CNTNAP5: variants seen among roughly 807,000 people sequenced by gnomAD.
The protein encoded by CNTNAP5 is contactin-associated protein-like 5.
A neutral mutation model predicts 150.2 loss-of-function variants in CNTNAP5; 72 were observed. The observed-to-expected ratio is 0.48, with a 90% CI of 0.40 to 0.58. CNTNAP5 has a LOEUF of 0.58. Ranked by LOEUF, CNTNAP5 falls within the 20% of genes least tolerant of loss-of-function variation. The probability of loss-of-function intolerance (pLI) is 0.00; values close to 1 mark genes in which losing one functional copy is unlikely to be tolerated. For synonymous variants in CNTNAP5, 672 were observed against 619.8 expected (o/e 1.08, Z -1.25); for missense variants, 1,636 against 1,626.2 (o/e 1.01, Z -0.10).
intron 1 of CNTNAP5, among the ~76,000 whole-genome samples, chr2:124,033,496 A>G (rs1213972): frequency 1 from 151,763 of 152,312 alleles, 75,609 homozygotes; most frequent in Middle Eastern, 1. Flanking sequence ...CTTTTCTTCT[A>G]TCTTGTGACC....
intron 12 of CNTNAP5, among the ~76,000 whole-genome samples, chr2:124,641,065 G>A (rs148762136): frequency 3.4e-4 from 50 of 145,518 alleles, no homozygotes; most frequent in East Asian, 1.2e-3. Context: ...GGCAGAGGTT[G>A]CAGTGAGCCG....
At chr2:124,031,144 C>T (rs181344029) in intron 1 of CNTNAP5, among the ~76,000 whole-genome samples, 267 of 152,016 alleles carry the variant, frequency 1.8e-3, no homozygotes, top group African/African-American at 5.9e-3. Flanking sequence ...TATACATACA[C>T]ACACACACAC....
chr2:124,474,324 G>C (rs1236638298), intron 6 of CNTNAP5, among the ~76,000 whole-genome samples: 1 of 152,024 alleles, frequency 6.6e-6, no homozygotes, highest in East Asian at 1.9e-4. Flanking sequence ...ATACAATATA[G>C]GCTTTTAAAC....
chr2:124,472,578 T>A lies in CNTNAP5; in HGVS notation c.919-2161T>A, dbSNP rs1693541917. Reference sequence around the variant, plus strand: ...AAGGTGTTTTATATATATATATAAATACATATATATCATATGATTACCATC... The same window carrying A: ...AAGGTGTTTTATATATATATATAAAAACATATATATCATATGATTACCATC... On this transcript the variant is annotated intron_variant, in intron 6 of 23. Coordinates refer to ENST00000682447, the MANE Select transcript of CNTNAP5 (RefSeq NM_001367498.1). Among the ~76,000 whole-genome samples, 4 of 150,944 alleles carry A rather than the reference T, an allele frequency of 2.6e-5. No individual in the cohort carries two copies. In the South Asian group the frequency reaches 8.3e-4, roughly 31 times the overall value.
chr2:124,462,281 G>C lies in CNTNAP5; in HGVS notation c.919-12458G>C, dbSNP rs546445372. Among the ~76,000 whole-genome samples, 14 of 152,226 alleles carry C rather than the reference G, an allele frequency of 9.2e-5. No homozygotes were observed. The South Asian group carries it at 2.5e-3, about 27-fold the overall frequency. On this transcript the variant is annotated intron_variant, in intron 6 of 23. Transcript: ENST00000682447. ...GCACAGACTCTGGGGCTTGGCCTGGGCTCTGCCTGTGTATAAGACATGAAA... is the reference window on the plus strand; with the variant it reads ...GCACAGACTCTGGGGCTTGGCCTGGCCTCTGCCTGTGTATAAGACATGAAA...
At chr2:124,430,536 G>A (rs1692352717) in intron 4 of CNTNAP5, among the ~76,000 whole-genome samples, 1 of 152,152 alleles carries the variant, frequency 6.6e-6, no homozygotes, top group Admixed American at 6.5e-5. Flanking sequence ...AGAAGATGAG[G>A]TGGGAGAGGT....
chr2:124,201,270 G>C (rs1573831202), intron 1 of CNTNAP5, among the ~76,000 whole-genome samples: 1 of 152,106 alleles, frequency 6.6e-6, no homozygotes, highest in Admixed American at 6.6e-5. Context: ...AGCCAAAAAG[G>C]GAGAGAATAA....
chr2:124,790,858 T>C (rs1324637277), intron 18 of CNTNAP5, among the ~76,000 whole-genome samples: 1 of 152,192 alleles, frequency 6.6e-6, no homozygotes, highest in Non-Finnish European at 1.5e-5. Flanking sequence ...AAATTCAAGA[T>C]ACCTCAAGAA....
intron 19 of CNTNAP5, among the ~76,000 whole-genome samples, chr2:124,864,314 G>C (rs1213762753): frequency 6.6e-6 from 1 of 152,124 alleles, no homozygotes; most frequent in Non-Finnish European, 1.5e-5. Flanking sequence ...GATAAGGGTA[G>C]TTAGCACAAC....
At chr2:124,442,905 T>C (rs967150688) in intron 5 of CNTNAP5, among the ~76,000 whole-genome samples, 1 of 152,172 alleles carries the variant, frequency 6.6e-6, no homozygotes, top group African/African-American at 2.4e-5. Flanking sequence ...AATGCACTTT[T>C]TTAACCTACC....
rs867109912 is a variant in CNTNAP5, at chr2:124,713,269, C to T, written c.2078-33960C>T. Among the ~76,000 whole-genome samples, 53 of 105,716 alleles carry T rather than the reference C, an allele frequency of 5.0e-4. 3 individuals carry two copies. Among genetic ancestry groups the T allele is most frequent in the East Asian group, 2.4e-3 (8 of 3,402 alleles). The allele number at this position is 105,716 out of a possible 152,430, so 69.4% of individuals were successfully genotyped here. A position where few individuals can be genotyped will look rare whatever the true frequency, so the allele number is the denominator to read the frequency against. On this transcript the variant is annotated intron_variant, in intron 13 of 23. Coordinates refer to ENST00000682447, the MANE Select transcript of CNTNAP5 (RefSeq NM_001367498.1). Reference sequence around the variant, plus strand: ...TCTTTCTTTCTTTCTTTCTTTCTTTCTTTCTTTCTTTCTTTCTTTCTTTCT... The same window carrying T: ...TCTTTCTTTCTTTCTTTCTTTCTTTTTTTCTTTCTTTCTTTCTTTCTTTCT...
chr2:124,667,286 C>A (rs1462474757), intron 13 of CNTNAP5, among the ~76,000 whole-genome samples: 1 of 152,184 alleles, frequency 6.6e-6, no homozygotes, highest in Non-Finnish European at 1.5e-5. Context: ...TCTGTGCAAT[C>A]TCAGAGGATT....
intron 1 of CNTNAP5, among the ~76,000 whole-genome samples, chr2:124,078,526 A>C (rs1441164132): frequency 6.6e-6 from 1 of 152,168 alleles, no homozygotes; most frequent in Non-Finnish European, 1.5e-5. Flanking sequence ...TCAAATTATG[A>C]CTTGGCCTAA....
chr2:124,320,797 G>T (rs1689080056), intron 3 of CNTNAP5, among the ~76,000 whole-genome samples: 1 of 150,376 alleles, frequency 6.6e-6, no homozygotes, highest in Non-Finnish European at 1.5e-5. Flanking sequence ...TGTTGAGCCT[G>T]TGTGTGTGTG....
chr2:124,679,730 A>G (rs1679023197), intron 13 of CNTNAP5, among the ~76,000 whole-genome samples: 1 of 151,420 alleles, frequency 6.6e-6, no homozygotes, highest in South Asian at 2.1e-4. Context: ...ATGCCTGGCT[A>G]ATTTTTGTAA....
At chr2:124,104,678 T>A (rs1191933565) in intron 1 of CNTNAP5, among the ~76,000 whole-genome samples, 1 of 152,140 alleles carries the variant, frequency 6.6e-6, no homozygotes, top group Non-Finnish European at 1.5e-5. Context: ...CCCACCCCAC[T>A]CTGAACACTT....
At chr2:124,040,375 G>A (rs547954788) in intron 1 of CNTNAP5, among the ~76,000 whole-genome samples, 111 of 152,094 alleles carry the variant, frequency 7.3e-4, no homozygotes, top group Non-Finnish European at 1.2e-3. Flanking sequence ...GCAAGATACT[G>A]TTACCTGAAA....
At chr2:124,591,960 G>A (rs1696693896) in intron 11 of CNTNAP5, among the ~76,000 whole-genome samples, 1 of 151,942 alleles carries the variant, frequency 6.6e-6, no homozygotes, top group African/African-American at 2.4e-5. Context: ...CCATTTATTA[G>A]ATAAACATTA....
intron 1 of CNTNAP5, among the ~76,000 whole-genome samples, chr2:124,095,294 C>T (rs945561010): frequency 4.6e-5 from 7 of 152,036 alleles, no homozygotes; most frequent in East Asian, 1.9e-4. Flanking sequence ...AGTTGAACAA[C>T]GAGAACACAT....
Sources: gnomAD v4.1 joint callset for allele counts (sites outside exome capture counted in the v4.1 genomes callset) on GRCh38, gnomAD v4.1.1 for gene constraint, MANE v1.5 for transcripts, NCBI Gene and HGNC (gene_info 2026-07-23, HGNC 2026-07-21) for gene names.